BCAS3: variants seen among roughly 807,000 people sequenced by gnomAD.
BCAS3 encodes BCAS4/BCAS3 fusion.
In BCAS3, 53 loss-of-function variants were observed where a neutral mutation model predicts 116.1. The ratio of observed to expected loss-of-function variants is 0.46; its 90% CI spans 0.37 to 0.57. The LOEUF is 0.57. Ranked by LOEUF, BCAS3 falls within the 20% of genes least tolerant of loss-of-function variation. BCAS3 has a pLI of 0.00. For missense variants in BCAS3, 917 were observed against 1,165.4 expected (o/e 0.79, Z 3.10); for synonymous variants, 391 against 408.2 (o/e 0.96, Z 0.51).
intron 22 of BCAS3, among the ~76,000 whole-genome samples, chr17:61,246,471 GAAAAAAAAAA>G (rs1007852809): frequency 2.7e-4 from 9 of 33,476 alleles, no homozygotes; most frequent in South Asian, 1.1e-3. Context: ...GACTGTCTCA[GAAAAAAAAAA>G]AAAAAAAAAA....
At chr17:60,965,420 C>T (rs1384100639) in intron 14 of BCAS3, among the ~76,000 whole-genome samples, 1 of 151,962 alleles carries the variant, frequency 6.6e-6, no homozygotes, top group Non-Finnish European at 1.5e-5. Context: ...TGGAGTTTCA[C>T]CATGTTGGCC....
chr17:61,279,199 G>A lies in BCAS3; in HGVS notation c.2426-89128G>A, dbSNP rs9898485. The stretch of plus-strand genomic sequence containing the variant: ...TGACCTCAAGTGATCCGCCCACCTC[G>A]GCCTCCCAAAGTGTTGGGATTACAG... On this transcript the variant is annotated intron_variant, in intron 22 of 23. Transcript: ENST00000407086. The surrounding 1 kb of genome is among the most constrained non-coding windows in gnomAD (Gnocchi z 4.4). Among the ~76,000 whole-genome samples the A allele has an allele frequency of 0.2, 30,090 of 151,942 alleles. 5,527 individuals are homozygous for A. Among genetic ancestry groups the A allele is most frequent in the African/African-American group, 0.49 (20,375 of 41,438 alleles).
intron 2 of BCAS3, among the ~76,000 whole-genome samples, chr17:60,680,558 T>C (rs1402079454): frequency 2.0e-5 from 3 of 152,200 alleles, no homozygotes; most frequent in Non-Finnish European, 4.4e-5. Context: ...TATATGTCTC[T>C]GTTTTTGGCA....
Position 61,118,949 on chromosome 17 carries a change from C to T in BCAS3, c.2425+34385C>T, listed in dbSNP as rs1377743163. ...TTGCTTTTTAAATTATCTTCCAAAA[C>T]GTTGACAGTTTCTGTGTTTGTCAAT... On this transcript the variant is annotated intron_variant, in intron 22 of 23. Transcript: ENST00000407086. This position sits in a 1 kb window ranked among gnomAD's most constrained non-coding sequence, Gnocchi z 5.0. Among the ~76,000 whole-genome samples, 5 of 151,904 alleles carry T rather than the reference C, an allele frequency of 3.3e-5. No homozygotes were observed. The highest frequency in any genetic ancestry group is 4.2e-4 in the South Asian group (2 of 4,818).
At chr17:61,042,864 T>C (rs1600703780) in intron 19 of BCAS3, among the ~76,000 whole-genome samples, 1 of 114,544 alleles carries the variant, frequency 8.7e-6, no homozygotes, top group South Asian at 2.6e-4. Flanking sequence ...CATTCCAGCC[T>C]AGGCAACAGA....
At position 61,325,823 on chromosome 17, in the gene BCAS3, G is replaced by C. The variant is rs2055683560; in HGVS notation, c.2426-42504G>C. On this transcript the variant is annotated intron_variant, in intron 22 of 23. Coordinates refer to ENST00000407086, the MANE Select transcript of BCAS3 (RefSeq NM_017679.5). The surrounding 1 kb of genome is among the most constrained non-coding windows in gnomAD (Gnocchi z 6.4). ...CTGGTCTTGGTGGCAAGATAAACAG[G>C]ATAGGGTGGTCCCTGGGGACAGTCA... 2.6e-5 allele frequency among the ~76,000 whole-genome samples: 4 copies of C among 152,122 alleles called. No individual in the cohort carries two copies.
chr17:60,819,951 A>T (rs4465656), intron 7 of BCAS3, among the ~76,000 whole-genome samples: 9 of 151,974 alleles, frequency 5.9e-5, no homozygotes, highest in African/African-American at 2.2e-4. Flanking sequence ...AAGCAAGAGG[A>T]GATAACCCTT....
intron 6 of BCAS3, among the ~76,000 whole-genome samples, chr17:60,795,883 T>C (rs2144563089): frequency 6.6e-6 from 1 of 152,168 alleles, no homozygotes; most frequent in South Asian, 2.1e-4. Context: ...AGAGACAGGG[T>C]TTCACCATGT....
chr17:60,740,658 A>T (rs1356359504), intron 5 of BCAS3, among the ~76,000 whole-genome samples: 1 of 151,942 alleles, frequency 6.6e-6, no homozygotes, highest in Non-Finnish European at 1.5e-5. Flanking sequence ...GTTTCTCATT[A>T]TTTTTTTGAG....
chr17:61,365,623 C>T lies in BCAS3; in HGVS notation c.2426-2704C>T, dbSNP rs890876439. On this transcript the variant is annotated intron_variant, in intron 22 of 23. Coordinates refer to ENST00000407086, the MANE Select transcript of BCAS3 (RefSeq NM_017679.5). This position sits in a 1 kb window ranked among gnomAD's most constrained non-coding sequence, Gnocchi z 4.6. The stretch of plus-strand genomic sequence containing the variant: ...TGCTGGGATTACAGGCGTGAGCCAC[C>T]GTGCCTGGCCCAATTTCTTTTGTTT... Among the ~76,000 whole-genome samples the T allele has an allele frequency of 6.6e-6, 1 of 152,062 alleles. No individual in the cohort carries two copies.
intron 22 of BCAS3, among the ~76,000 whole-genome samples, chr17:61,210,161 A>G (rs1037653113): frequency 2.0e-5 from 3 of 152,186 alleles, no homozygotes; most frequent in African/African-American, 7.2e-5. Context: ...AAAAATATAG[A>G]ATTGGAAGAA....
intron 9 of BCAS3, chr17:60,886,476 C>T (rs1001491519): frequency 7.2e-5 from 11 of 152,162 alleles, no homozygotes; most frequent in East Asian, 1.9e-4. Flanking sequence ...ACCTTTGTTC[C>T]GTTGCTGGTG....
At chr17:60,739,227 C>T (rs1394922928) in intron 5 of BCAS3, among the ~76,000 whole-genome samples, 1 of 152,134 alleles carries the variant, frequency 6.6e-6, no homozygotes, top group Admixed American at 6.5e-5. Context: ...CATATATATA[C>T]ACACACAATA....
chr17:60,968,909 G>T (rs574594610), intron 14 of BCAS3, among the ~76,000 whole-genome samples: 4 of 152,188 alleles, frequency 2.6e-5, no homozygotes, highest in Admixed American at 6.5e-5. Context: ...TTAAGGCAAG[G>T]ATAGTTTTCC....
At chr17:60,787,702 G>C (rs940143125) in intron 6 of BCAS3, among the ~76,000 whole-genome samples, 6 of 152,118 alleles carry the variant, frequency 3.9e-5, no homozygotes, top group Admixed American at 3.9e-4. Context: ...AGATACTTTA[G>C]TAAAGACCCA....
chr17:60,974,797 G>A (rs565338432), intron 14 of BCAS3, among the ~76,000 whole-genome samples: 5 of 152,186 alleles, frequency 3.3e-5, no homozygotes, highest in African/African-American at 9.6e-5. Flanking sequence ...TCTGACATTT[G>A]TATACTTAAA....
rs956441420 is a variant in BCAS3 at position 61,023,284 on chromosome 17, A to G, written c.1637+7383A>G. 7.2e-5 allele frequency among the ~76,000 whole-genome samples: 11 copies of G among 152,202 alleles called. No individual in the cohort carries two copies. The highest frequency in any genetic ancestry group is 2.7e-4 in the African/African-American group (11 of 41,462). On this transcript the variant is annotated intron_variant, in intron 16 of 23. Coordinates refer to ENST00000407086, the MANE Select transcript of BCAS3 (RefSeq NM_017679.5). The surrounding 1 kb of genome is among the most constrained non-coding windows in gnomAD (Gnocchi z 4.8). ...TTCAATATTTGACACATAATGTTGT[A>G]TAGCTTTTTCTCTGCTTCATCTCTG...
chr17:61,303,253 G>A (rs951266651), intron 22 of BCAS3, among the ~76,000 whole-genome samples: 17 of 152,210 alleles, frequency 1.1e-4, no homozygotes, highest in Non-Finnish European at 2.5e-4. Flanking sequence ...CAGTCTGTGG[G>A]CATCTTCTGA....
rs1033900007 is a variant in BCAS3, at chr17:61,229,045, T to C, written c.2426-139282T>C. Among the ~76,000 whole-genome samples the C allele has an allele frequency of 1.4e-4, 22 of 152,240 alleles. No individual in the cohort carries two copies. Among genetic ancestry groups the C allele is most frequent in the African/African-American group, 5.3e-4 (22 of 41,464 alleles). On this transcript the variant is annotated intron_variant, in intron 22 of 23. Transcript: ENST00000407086. The surrounding 1 kb of genome is among the most constrained non-coding windows in gnomAD (Gnocchi z 4.4). Reference sequence around the variant, plus strand: ...AAGTAAAACAGCCTTGCTTCTGAGATGGAGAAAGTTTTAGTTGTCTGGATG... The same window carrying C: ...AAGTAAAACAGCCTTGCTTCTGAGACGGAGAAAGTTTTAGTTGTCTGGATG...
Sources: gnomAD v4.1 joint callset for allele counts (sites outside exome capture counted in the v4.1 genomes callset) on GRCh38, gnomAD v4.1.1 for gene constraint, Gnocchi (gnomAD v3.1) non-coding constraint, MANE v1.5 for transcripts, NCBI Gene and HGNC (gene_info 2026-07-23, HGNC 2026-07-21) for gene names.